The following FA2H variants were observed in gnomAD, a reference collection of about 807,000 sequenced individuals.
The protein encoded by FA2H is fatty acid 2-hydroxylase, also known as fatty acid alpha-hydroxylase.
FA2H carries 22 observed loss-of-function variants against 44.9 expected under a neutral mutation model. The observed-to-expected ratio is 0.49, with a 90% CI of 0.35 to 0.70. The LOEUF (loss-of-function observed/expected upper bound fraction) is 0.70. FA2H is among the 30% of genes least tolerant of loss of function. FA2H has a pLI of 0.01. For missense variants in FA2H, 501 were observed against 504.9 expected, an observed-to-expected ratio of 0.99 and a Z score of 0.07; for synonymous variants, 243 against 213.2, an observed-to-expected ratio of 1.14 and a Z score of -1.22.
chr16:74,759,992 G>C (rs1479308280), intron 1 of FA2H, among the ~76,000 whole-genome samples: 1 of 152,148 alleles, frequency 6.6e-6, no homozygotes, highest in Non-Finnish European at 1.5e-5. Flanking sequence ...AAGGACAAAG[G>C]GACAAGAACC....
At chr16:74,747,498 A>C (rs891567388) in intron 1 of FA2H, among the ~76,000 whole-genome samples, 1 of 152,122 alleles carries the variant, frequency 6.6e-6, no homozygotes, top group African/African-American at 2.4e-5. Flanking sequence ...TCTATGCTGA[A>C]GTTCTAACCC....
At chr16:74,757,589 T>G (rs1962632573) in intron 1 of FA2H, among the ~76,000 whole-genome samples, 1 of 152,176 alleles carries the variant, frequency 6.6e-6, no homozygotes, top group African/African-American at 2.4e-5. Flanking sequence ...TAGGAACAGC[T>G]GTTAAAAAGA....
At chr16:74,734,400 A>AT (rs1299993328) in intron 2 of FA2H, among the ~76,000 whole-genome samples, 2 of 152,272 alleles carry the variant, frequency 1.3e-5, no homozygotes, top group South Asian at 2.1e-4. Flanking sequence ...GGGTGGAGGG[A>AT]TTTTTTGGTG....
intron 4 of FA2H, among the ~76,000 whole-genome samples, chr16:74,719,996 C>A (rs1039193344): frequency 2.0e-5 from 3 of 151,932 alleles, no homozygotes; most frequent in African/African-American, 7.3e-5. Context: ...TGAAGATGAT[C>A]AGCCTAGGTG....
chr16:74,742,038 G>C (rs1378221470), intron 1 of FA2H, among the ~76,000 whole-genome samples: 1 of 151,914 alleles, frequency 6.6e-6, no homozygotes, highest in Non-Finnish European at 1.5e-5. Flanking sequence ...TACTCCAGTG[G>C]TGTGATAGGT....
In FA2H at chr16:74,717,286, T is replaced by G. The variant is rs536486449; in HGVS notation, c.787-687A>C. Among the ~76,000 whole-genome samples, 7 of 152,294 alleles carry G rather than the reference T, an allele frequency of 4.6e-5. No individual in the cohort carries two copies. In the East Asian group the frequency reaches 9.7e-4, roughly 21 times the overall value. ...TGAGAAGAGAATCCTGCAGCCTCTC[T>G]GGGCTGGAGGAGAGAGAGAGAAAGC... On this transcript the variant is annotated intron_variant, in intron 5 of 6. Coordinates refer to ENST00000219368, the MANE Select transcript of FA2H (RefSeq NM_024306.5).
chr16:74,733,155 G>A lies in FA2H; in HGVS notation c.364-5769C>T, dbSNP rs183418800. Among the ~76,000 whole-genome samples the A allele has an allele frequency of 6.8e-4, 103 of 152,298 alleles. 1 individual carries two copies. In the East Asian group the frequency reaches 0.016, roughly 24 times the overall value. On this transcript the variant is annotated intron_variant, in intron 2 of 6. Transcript: ENST00000219368. ...AAGCCCACCTGGGTGCCCAGGGAAG[G>A]TGCCCACTTCACTCTGGGGCTGAAG... is the stretch of plus-strand genomic sequence containing the variant.
chr16:74,772,153 C>G (rs1242587604), intron 1 of FA2H, among the ~76,000 whole-genome samples: 3 of 152,168 alleles, frequency 2.0e-5, no homozygotes, highest in Non-Finnish European at 4.4e-5. Flanking sequence ...CCCCCCACAT[C>G]CCTGTCTTTG....
chr16:74,733,126 G>A (rs1218068395), intron 2 of FA2H, among the ~76,000 whole-genome samples: 1 of 152,188 alleles, frequency 6.6e-6, no homozygotes, highest in Non-Finnish European at 1.5e-5. Flanking sequence ...GTGTCTCCAC[G>A]AGGAAGCCCA....
chr16:74,761,184 G>T (rs886082029), intron 1 of FA2H, among the ~76,000 whole-genome samples: 1 of 152,204 alleles, frequency 6.6e-6, no homozygotes, highest in Admixed American at 6.5e-5. Flanking sequence ...GGGCGCGGTG[G>T]TTCATGCCTG....
At chr16:74,745,865 G>A (rs1343492087) in intron 1 of FA2H, among the ~76,000 whole-genome samples, 48 of 146,740 alleles carry the variant, frequency 3.3e-4, no homozygotes, top group Non-Finnish European at 1.5e-5. Flanking sequence ...GAATGCAGTG[G>A]CACCATCTTG....
At chr16:74,758,575 C>CT (rs147220860) in intron 1 of FA2H, among the ~76,000 whole-genome samples, 2,766 of 152,112 alleles carry the variant, frequency 0.018, 73 homozygotes, top group African/African-American at 0.062. Context: ...TGTGATAAAA[C>CT]TTTGACATCA....
chr16:74,756,261 C>T (rs753616337), intron 1 of FA2H, among the ~76,000 whole-genome samples: 5 of 152,212 alleles, frequency 3.3e-5, no homozygotes, highest in Non-Finnish European at 5.9e-5. Flanking sequence ...CACCTGAATG[C>T]TGAGTTCCAG....
At chr16:74,766,394 T>C (rs1253759026) in intron 1 of FA2H, among the ~76,000 whole-genome samples, 3 of 151,236 alleles carry the variant, frequency 2.0e-5, no homozygotes, top group African/African-American at 7.3e-5. Flanking sequence ...AAAGCAGATA[T>C]AGGTGAGGAG....
chr16:74,771,926 C>T (rs891615553), intron 1 of FA2H, among the ~76,000 whole-genome samples: 2 of 151,898 alleles, frequency 1.3e-5, no homozygotes, highest in African/African-American at 2.4e-5. Context: ...GACCATGAAC[C>T]CTGCCTGAAC....
At chr16:74,718,203 C>G (rs532238867) in intron 5 of FA2H, among the ~76,000 whole-genome samples, 1 of 152,164 alleles carries the variant, frequency 6.6e-6, no homozygotes, top group Admixed American at 6.5e-5. Flanking sequence ...GTGAAACCCA[C>G]GTTCAGTATC....
chr16:74,753,646 C>A (rs997830047), intron 1 of FA2H, among the ~76,000 whole-genome samples: 3 of 152,126 alleles, frequency 2.0e-5, no homozygotes, highest in African/African-American at 7.2e-5. Context: ...GTACTCCAGC[C>A]TGGGTGACAG....
chr16:74,726,667 G>A (rs181142078), intron 3 of FA2H, among the ~76,000 whole-genome samples: 447 of 152,328 alleles, frequency 2.9e-3, no homozygotes, highest in Middle Eastern at 6.8e-3. Context: ...GATTACAGGC[G>A]TGAGCCACCA....
At chr16:74,750,761 C>CTGTGTGTGTGTGTGTGTGTGTGTGTG (rs55799456) in intron 1 of FA2H, among the ~76,000 whole-genome samples, 17 of 141,660 alleles carry the variant, frequency 1.2e-4, no homozygotes, top group East Asian at 6.1e-4. Flanking sequence ...TTTTTTTTCA[C>CTGTGTGTGTGTGTGTGTGTGTGTGTG]TGTGTGTGTG....
Sources: gnomAD v4.1 joint callset for allele counts (sites outside exome capture counted in the v4.1 genomes callset) on GRCh38, gnomAD v4.1.1 for gene constraint, MANE v1.5 for transcripts, NCBI Gene and HGNC (gene_info 2026-07-23, HGNC 2026-07-21) for gene names.